POLR3G: variants seen among roughly 807,000 people sequenced by gnomAD.
The protein encoded by POLR3G is DNA-directed RNA polymerase III subunit RPC7.
POLR3G carries 28 observed loss-of-function variants against 30.1 expected under a neutral mutation model. That is an observed-to-expected ratio of 0.93 (90% CI 0.69 to 1.27). POLR3G has a LOEUF of 1.27. Ranked by LOEUF, POLR3G falls within the 50% of genes most tolerant of loss-of-function variation. The pLI, the probability that POLR3G is intolerant of heterozygous loss-of-function variation, is 0.00. For synonymous variants in POLR3G, 79 were observed against 82.5 expected (o/e 0.96, Z 0.23); for missense variants, 254 against 264.6 (o/e 0.96, Z 0.28).
intron 5 of POLR3G, among the ~76,000 whole-genome samples, chr5:90,498,230 G>GTT (rs532662414): frequency 1.5e-4 from 22 of 151,082 alleles, no homozygotes; most frequent in African/African-American, 5.1e-4. Context: ...TCTTTTGGGT[G>GTT]TTTTTTTTCT....
intron 1 of POLR3G, among the ~76,000 whole-genome samples, chr5:90,483,547 A>G (rs932294093): frequency 2.0e-5 from 3 of 152,100 alleles, no homozygotes; most frequent in African/African-American, 4.8e-5. Context: ...GCTCATGCCT[A>G]TAATCCTAGC....
intron 1 of POLR3G, among the ~76,000 whole-genome samples, chr5:90,483,678 A>T (rs1404589607): frequency 6.6e-6 from 1 of 152,130 alleles, no homozygotes; most frequent in African/African-American, 2.4e-5. Flanking sequence ...GCGCGCCTAT[A>T]ATCCCAGCTA....
chr5:90,485,605 C>T lies in POLR3G; in HGVS notation c.38C>T (p.Thr13Ile), dbSNP rs752550237. ...AAAGGAAGAGGACGTGCTGCTTATA[C>T]CTTTAATATTGAGGCTGTTGGATTT... ...GNKGRGRAAYTFNIEAVGFSK... is the reference protein window; with the variant it reads ...GNKGRGRAAYIFNIEAVGFSK... Residue 13 changes from threonine (T) to isoleucine (I), a missense_variant, in exon 2 of 8, where the codon ACC (threonine) becomes ATC (isoleucine). Thr to Ile is a moderately conservative substitution (Grantham distance 89). Coordinates refer to ENST00000651687, the MANE Select transcript of POLR3G (RefSeq NM_006467.3). 46 of 1,613,808 alleles carry T rather than the reference C, an allele frequency of 2.9e-5. No individual in the cohort carries two copies. Among genetic ancestry groups the T allele is most frequent in the Non-Finnish European group, 3.6e-5 (43 of 1,179,956 alleles).
chr5:90,481,087 CAGAA>C (rs1298381137), intron 1 of POLR3G, among the ~76,000 whole-genome samples: 2 of 151,876 alleles, frequency 1.3e-5, no homozygotes, highest in Admixed American at 6.6e-5. Context: ...ATTAATAAAA[CAGAA>C]AGAAAGATAA....
At chr5:90,509,606 A>G (rs1752643735) in intron 7 of POLR3G, among the ~76,000 whole-genome samples, 1 of 152,230 alleles carries the variant, frequency 6.6e-6, no homozygotes, top group Non-Finnish European at 1.5e-5. Flanking sequence ...AAAGAAGACA[A>G]TTTAGGTGAT....
rs1187702723 is a variant in POLR3G, at chr5:90,513,393, A to C, written c.*1254A>C. The C allele has an allele frequency of 6.6e-6, 1 of 152,584 alleles. No homozygotes were observed. Among genetic ancestry groups the C allele is most frequent in the African/African-American group, 2.4e-5 (1 of 41,446 alleles). The allele number at this position is 152,584 out of a possible 1,614,324, so 9.5% of individuals were successfully genotyped here. A position where few individuals can be genotyped will look rare whatever the true frequency, so the allele number is the denominator to read the frequency against. On this transcript the variant is annotated 3_prime_UTR_variant, in exon 8 of 8. Coordinates refer to ENST00000651687, the MANE Select transcript of POLR3G (RefSeq NM_006467.3). ...TTTCTCCACTCGTAAACAATTTCCTATAAAAATTGTTTAAACACCAACCAA... is the reference window on the plus strand; with the variant it reads ...TTTCTCCACTCGTAAACAATTTCCTCTAAAAATTGTTTAAACACCAACCAA...
rs892193516 is a variant in POLR3G at position 90,477,946 on chromosome 5, G to C, written c.-44+2926G>C. On this transcript the variant is annotated intron_variant, in intron 1 of 7. Coordinates refer to ENST00000651687, the MANE Select transcript of POLR3G (RefSeq NM_006467.3). The stretch of plus-strand genomic sequence containing the variant: ...ATGTAAATGAAGAGGATGAAGTAAA[G>C]TTACAAAGTCATTTACTTGGCATAT... Among the ~76,000 whole-genome samples the C allele has an allele frequency of 2.0e-5, 3 of 152,182 alleles. No homozygotes were observed. The South Asian group carries it at 6.2e-4, about 31-fold the overall frequency.
chr5:90,495,703 A>C lies in POLR3G; in HGVS notation c.274A>C (p.Met92Leu). The change falls in exon 4 of 8, where the codon ATG becomes CTG. Residue 92 changes from methionine (M) to leucine (L), a missense_variant. Coordinates refer to ENST00000651687, the MANE Select transcript of POLR3G (RefSeq NM_006467.3). ...QDIERYSKRY[M>L]KVYKEEWIPD... ...TATTGAAAGGTATAGTAAAAGATACATGAAGGTATACAAGGAAGAATGGAT... is the reference window on the plus strand; with the variant it reads ...TATTGAAAGGTATAGTAAAAGATACCTGAAGGTATACAAGGAAGAATGGAT... 6.3e-7 allele frequency: 1 copy of C among 1,599,408 alleles called. No homozygotes were observed. Among genetic ancestry groups the C allele is most frequent in the Non-Finnish European group, 8.5e-7 (1 of 1,173,568 alleles).
At chr5:90,507,506 A>T (rs1041820099) in intron 7 of POLR3G, among the ~76,000 whole-genome samples, 1 of 152,184 alleles carries the variant, frequency 6.6e-6, no homozygotes, top group Non-Finnish European at 1.5e-5. Flanking sequence ...GCCAGCTGCT[A>T]ACCTCATTTC....
intron 7 of POLR3G, among the ~76,000 whole-genome samples, chr5:90,507,076 T>A (rs1752523248): frequency 6.6e-6 from 1 of 152,224 alleles, no homozygotes; most frequent in Non-Finnish European, 1.5e-5. Flanking sequence ...AAAGTGCATG[T>A]GGATACTATC....
At chr5:90,475,392 G>A (rs777429632) in intron 1 of POLR3G, among the ~76,000 whole-genome samples, 8 of 151,926 alleles carry the variant, frequency 5.3e-5, no homozygotes, top group Non-Finnish European at 1.0e-4. Flanking sequence ...CGTAACTGTT[G>A]GCACTTTATA....
At chr5:90,494,512 A>G (rs1415022062) in intron 3 of POLR3G, among the ~76,000 whole-genome samples, 1 of 152,212 alleles carries the variant, frequency 6.6e-6, no homozygotes, top group Non-Finnish European at 1.5e-5. Context: ...TCCCATCAAT[A>G]ATGTATGAGA....
chr5:90,512,053 G>C lies in POLR3G; in HGVS notation c.586G>C (p.Glu196Gln). The change falls in exon 8 of 8, where the codon GAA (glutamate) becomes CAA (glutamine). Residue 196 changes from glutamate to glutamine, a missense_variant and splice_region_variant. Transcript: ENST00000651687. ...EEYDEEEQEE[E>Q]NDYINSYFED... The stretch of plus-strand genomic sequence containing the variant: ...CAAAGGAATATATCATTTCACTTAG[G>C]AAAATGACTACATTAATTCATACTT... 3 of 1,586,006 alleles carry C rather than the reference G, an allele frequency of 1.9e-6. No homozygotes were observed. The highest frequency in any genetic ancestry group is 2.6e-6 in the Non-Finnish European group (3 of 1,154,978).
chr5:90,476,403 C>G (rs1367768707), intron 1 of POLR3G, among the ~76,000 whole-genome samples: 2 of 152,148 alleles, frequency 1.3e-5, no homozygotes, highest in Non-Finnish European at 2.9e-5. Context: ...TAAAGCATTA[C>G]GGGGTATGTA....
chr5:90,501,480 TA>T (rs2151912059), intron 5 of POLR3G, among the ~76,000 whole-genome samples: 1 of 152,340 alleles, frequency 6.6e-6, no homozygotes, highest in South Asian at 2.1e-4. Flanking sequence ...CTTTTTATTT[TA>T]CACACCTGCT....
intron 1 of POLR3G, among the ~76,000 whole-genome samples, chr5:90,480,858 C>T (rs539095688): frequency 6.6e-6 from 1 of 152,284 alleles, no homozygotes; most frequent in Admixed American, 6.5e-5. Flanking sequence ...ACCCCTTCTG[C>T]TCAGCAGTTT....
chr5:90,506,016 C>G (rs973212947), intron 6 of POLR3G, among the ~76,000 whole-genome samples: 4 of 152,072 alleles, frequency 2.6e-5, no homozygotes, highest in East Asian at 3.9e-4. Flanking sequence ...GGGCAGATCT[C>G]TTGAGACCAG....
intron 5 of POLR3G, 122 bp from the exon 6 acceptor site, chr5:90,501,784 T>C: frequency 1.9e-6 from 2 of 1,067,480 alleles, no homozygotes; most frequent in Non-Finnish European, 2.6e-6. Context: ...TAATTTACTC[T>C]GAAAACTATG....
At chr5:90,497,555 T>C in intron 4 of POLR3G, 101 bp from the exon 5 acceptor site, 1 of 1,372,936 alleles carries the variant, frequency 7.3e-7, no homozygotes, top group Non-Finnish European at 9.7e-7. Context: ...GGCACTTTAT[T>C]GTCATTTTCT....
Sources: gnomAD v4.1 joint callset for allele counts (sites outside exome capture counted in the v4.1 genomes callset) on GRCh38, gnomAD v4.1.1 for gene constraint, MANE v1.5 for transcripts, NCBI Gene and HGNC (gene_info 2026-07-23, HGNC 2026-07-21) for gene names.